OSBPL10: variants seen among roughly 807,000 people sequenced by gnomAD.
OSBPL10 encodes oxysterol binding protein like 10, also known as oxysterol-binding protein-related protein 10.
Under a neutral mutation model 81.7 loss-of-function variants are expected in OSBPL10, and 49 were observed. The observed-to-expected ratio is 0.60, with a 90% CI of 0.48 to 0.76. The LOEUF (loss-of-function observed/expected upper bound fraction) is 0.76. OSBPL10 is among the 30% of genes least tolerant of loss of function. The probability of loss-of-function intolerance (pLI) is 0.00; values close to 1 mark genes in which losing one functional copy is unlikely to be tolerated. For missense variants in OSBPL10, 923 were observed against 987.8 expected, an observed-to-expected ratio of 0.93 and a Z score of 0.88; for synonymous variants, 419 against 383.6, an observed-to-expected ratio of 1.09 and a Z score of -1.08.
At chr3:32,012,234 A>T (rs199649520) in intron 2 of OSBPL10, among the ~76,000 whole-genome samples, 13 of 150,862 alleles carry the variant, frequency 8.6e-5, no homozygotes, top group African/African-American at 1.5e-4. Flanking sequence ...TCAGACTAAC[A>T]GCTGATCTCT....
At chr3:31,916,388 G>A (rs543893116) in intron 1 of OSBPL10, among the ~76,000 whole-genome samples, 2 of 152,206 alleles carry the variant, frequency 1.3e-5, no homozygotes, top group Admixed American at 6.5e-5. Flanking sequence ...GATTTGGCAA[G>A]TGTAGAGTGA....
chr3:32,056,168 C>T (rs1475331993), intron 1 of OSBPL10, among the ~76,000 whole-genome samples: 1 of 152,148 alleles, frequency 6.6e-6, no homozygotes, highest in African/African-American at 2.4e-5. Context: ...AACCATGATA[C>T]ACCTGTTTAT....
At chr3:32,064,531 T>C (rs1278522854) in intron 1 of OSBPL10, 2 of 91,776 alleles carry the variant, frequency 2.2e-5, no homozygotes, top group African/African-American at 5.7e-5. Flanking sequence ...CAAATTGCCT[T>C]GGTGAATGCT....
chr3:31,966,400 T>C (rs989129361), intron 1 of OSBPL10, among the ~76,000 whole-genome samples: 2 of 151,360 alleles, frequency 1.3e-5, no homozygotes, highest in African/African-American at 4.8e-5. Flanking sequence ...CTTAGGAAAC[T>C]AAAAAACTAT....
At chr3:31,862,450 C>G (rs1000811592) in intron 3 of OSBPL10, among the ~76,000 whole-genome samples, 14 of 152,096 alleles carry the variant, frequency 9.2e-5, no homozygotes, top group Non-Finnish European at 1.6e-4. Context: ...AGAACTTTAA[C>G]TATCATGAAC....
chr3:31,883,178 G>C (rs1000897115), intron 1 of OSBPL10, among the ~76,000 whole-genome samples: 7 of 151,826 alleles, frequency 4.6e-5, no homozygotes, highest in Non-Finnish European at 7.4e-5. Context: ...GTTGTGCCAT[G>C]TGTGCCCCCC....
chr3:31,937,113 T>C (rs887956330), intron 1 of OSBPL10, among the ~76,000 whole-genome samples: 3 of 152,160 alleles, frequency 2.0e-5, no homozygotes, highest in South Asian at 4.2e-4. Flanking sequence ...TGAAACCCTG[T>C]CTCTACTAAA....
intron 4 of OSBPL10, among the ~76,000 whole-genome samples, chr3:31,763,327 A>G (rs1698109192): frequency 6.6e-6 from 1 of 152,210 alleles, no homozygotes; most frequent in Non-Finnish European, 1.5e-5. Flanking sequence ...CAAATACTGG[A>G]TAGTAGATCA....
chr3:32,039,360 TAA>T (rs36117908), intron 2 of OSBPL10, among the ~76,000 whole-genome samples: 29 of 145,244 alleles, frequency 2.0e-4, no homozygotes, highest in East Asian at 1.0e-3. Flanking sequence ...ATTAGTTAAT[TAA>T]AAAAAAAAAG....
At chr3:31,905,366 T>TTTTTTTTTTTTTTTTTTTTTTG (rs1696376692) in intron 1 of OSBPL10, among the ~76,000 whole-genome samples, 1 of 149,112 alleles carries the variant, frequency 6.7e-6, no homozygotes, top group African/African-American at 2.5e-5. Flanking sequence ...TTTTTTTTTT[T>TTTTTTTTTTTTTTTTTTTTTTG]TTAGACGGAC....
chr3:31,707,546 T>C (rs911831596), intron 6 of OSBPL10: 1 of 152,190 alleles, frequency 6.6e-6, no homozygotes, highest in Non-Finnish European at 1.5e-5. Flanking sequence ...CCAAAAAACC[T>C]TGGCACTGAG....
intron 1 of OSBPL10, among the ~76,000 whole-genome samples, chr3:31,898,050 A>G (rs1021923894): frequency 1.3e-5 from 2 of 148,686 alleles, no homozygotes; most frequent in Non-Finnish European, 1.5e-5. Flanking sequence ...GAAGAAGAAG[A>G]GAAAGGAATG....
intron 5 of OSBPL10, among the ~76,000 whole-genome samples, chr3:31,734,295 C>T (rs1697079861): frequency 6.6e-6 from 1 of 152,186 alleles, no homozygotes; most frequent in African/African-American, 2.4e-5. Flanking sequence ...GAATCCTCCA[C>T]CAACTCCCTT....
chr3:31,812,786 GAAAGAAAGAAAGAAAGAAAGAAAGAA>G (rs1699731609), intron 4 of OSBPL10, among the ~76,000 whole-genome samples: 3 of 45,206 alleles, frequency 6.6e-5, no homozygotes, highest in African/African-American at 3.0e-4. Flanking sequence ...AAGAAAGAAA[GAAAGAAAGAAAGAAAGAAAGAAAGAA>G]AGAAAGAGAA....
chr3:31,784,393 G>C (rs1008832383), intron 4 of OSBPL10, among the ~76,000 whole-genome samples: 1 of 150,806 alleles, frequency 6.6e-6, no homozygotes, highest in Non-Finnish European at 1.5e-5. Flanking sequence ...AAAGGAAAAG[G>C]AAAGGAAAAA....
At chr3:31,842,195 G>A (rs1025001167) in intron 3 of OSBPL10, among the ~76,000 whole-genome samples, 8 of 152,210 alleles carry the variant, frequency 5.3e-5, no homozygotes, top group Non-Finnish European at 8.8e-5. Context: ...CTTAAGGTCT[G>A]TATACATAAT....
At chr3:31,835,669 G>GA (rs887614513) in intron 3 of OSBPL10, among the ~76,000 whole-genome samples, 1 of 151,916 alleles carries the variant, frequency 6.6e-6, no homozygotes, top group African/African-American at 2.4e-5. Context: ...AAGGCAAACA[G>GA]AAAAAAATCA....
At chr3:32,015,941 G>A (rs1365918668) in intron 2 of OSBPL10, among the ~76,000 whole-genome samples, 1 of 152,050 alleles carries the variant, frequency 6.6e-6, no homozygotes, top group African/African-American at 2.4e-5. Context: ...AAAAGTCAGG[G>A]AACAACAGGT....
chr3:31,857,820 GAGA>G (rs1478470207), intron 3 of OSBPL10, among the ~76,000 whole-genome samples: 3 of 51,130 alleles, frequency 5.9e-5, no homozygotes, highest in Non-Finnish European at 8.0e-5. Context: ...GAGAGAAAGG[GAGA>G]GGGAGAGGGA....
Sources: gnomAD v4.1 joint callset for allele counts (sites outside exome capture counted in the v4.1 genomes callset) on GRCh38, gnomAD v4.1.1 for gene constraint, MANE v1.5 for transcripts, NCBI Gene and HGNC (gene_info 2026-07-23, HGNC 2026-07-21) for gene names.